Variants in DNAAF6 observed in about 807,000 individuals in gnomAD.
DNAAF6 encodes dynein axonemal assembly factor 6.
A neutral mutation model predicts 13.7 loss-of-function variants in DNAAF6; 3 were observed. The observed-to-expected ratio is 0.22, with a 90% CI of 0.10 to 0.56. DNAAF6 has a LOEUF of 0.56. Ranked by LOEUF, DNAAF6 falls within the 20% of genes least tolerant of loss-of-function variation. DNAAF6 has a pLI of 0.92. For synonymous variants in DNAAF6, 54 were observed against 49.2 expected, an observed-to-expected ratio of 1.10 and a Z score of -0.41; for missense variants, 130 against 151.0, an observed-to-expected ratio of 0.86 and a Z score of 0.73.
At position 107,208,387 on chromosome X, in the gene DNAAF6, C is replaced by T. The variant is rs1267001131; in HGVS notation, c.-4+1697C>T. Reference sequence around the variant, plus strand: ...GGTCGAGGCTGCAGTGAGCCGAGATCGCGCCACTGCACTCCAGCCTGGGCT... The same window carrying T: ...GGTCGAGGCTGCAGTGAGCCGAGATTGCGCCACTGCACTCCAGCCTGGGCT... On this transcript the variant is annotated intron_variant, in intron 1 of 6. Transcript: ENST00000372453. 4.7e-5 allele frequency among the ~76,000 whole-genome samples: 5 copies of T among 106,782 alleles called. No individual in the cohort carries two copies. In the East Asian group the frequency reaches 1.6e-3, roughly 35 times the overall value. 92.7% of individuals were successfully genotyped at this position (106,782 alleles called of 115,157 possible). A position where few individuals can be genotyped will look rare whatever the true frequency, so the allele number is the denominator to read the frequency against.
chrX:107,225,461 A>G (rs1928234530), intron 5 of DNAAF6, among the ~76,000 whole-genome samples: 1 of 111,331 alleles, frequency 9.0e-6, no homozygotes, highest in Non-Finnish European at 1.9e-5. Context: ...TTGATTGTGC[A>G]GTTCGTCTCA....
rs1458919183 is a variant in DNAAF6 at position 107,243,235 on chromosome X, G to A, written c.582G>A (p.Glu194=). ...GTGCCAAAGCATTCTATATCCCAGA[G>A]ACTGAAACTCTTGAAATCACTATGA... ...CTSAKAFYIP[E]TETLEITMTM... is the part of the protein sequence containing the mutation. The change falls in exon 7 of 7, where the codon GAG becomes GAA. Residue 194 remains glutamate, a synonymous_variant. Coordinates refer to ENST00000372453, the MANE Select transcript of DNAAF6 (RefSeq NM_173494.2). The A allele has an allele frequency of 8.3e-7, 1 of 1,208,099 alleles. No individual in the cohort carries two copies. Among genetic ancestry groups the A allele is most frequent in the Admixed American group, 2.2e-5 (1 of 45,414 alleles).
At chrX:107,212,191 C>T (rs1052443663) in intron 1 of DNAAF6, among the ~76,000 whole-genome samples, 1 of 111,144 alleles carries the variant, frequency 9.0e-6, no homozygotes, top group Non-Finnish European at 1.9e-5. Flanking sequence ...TTTTCTGAAT[C>T]CAGTATCCAA....
At chrX:107,236,427 C>G (rs775097407) in intron 5 of DNAAF6, among the ~76,000 whole-genome samples, 21 of 111,686 alleles carry the variant, frequency 1.9e-4, no homozygotes, top group Non-Finnish European at 3.0e-4. Context: ...ATATCCATGT[C>G]TGTATTCCAG....
chrX:107,216,262 CTTTCA>C (rs1927979573), intron 2 of DNAAF6, among the ~76,000 whole-genome samples: 3 of 111,593 alleles, frequency 2.7e-5, no homozygotes, highest in Non-Finnish European at 3.8e-5. Context: ...TTCTATAAAA[CTTTCA>C]CATACTCTGT....
intron 5 of DNAAF6, among the ~76,000 whole-genome samples, chrX:107,237,515 T>G (rs1928541029): frequency 8.9e-6 from 1 of 112,284 alleles, no homozygotes; most frequent in African/African-American, 3.2e-5. Flanking sequence ...TAGTATAAAA[T>G]TTACCATTAG....
chrX:107,241,898 G>A (rs1928631339), intron 6 of DNAAF6, among the ~76,000 whole-genome samples: 1 of 112,007 alleles, frequency 8.9e-6, no homozygotes, highest in Non-Finnish European at 1.9e-5. Context: ...CTGATTTATA[G>A]TTGTCTTTTA....
intron 6 of DNAAF6, among the ~76,000 whole-genome samples, chrX:107,239,477 C>T (rs766873779): frequency 8.9e-6 from 1 of 111,919 alleles, no homozygotes; most frequent in South Asian, 3.7e-4. Context: ...GCTTTGTGCA[C>T]ATCTTATCTG....
chrX:107,234,262 T>A (rs975186009), intron 5 of DNAAF6, among the ~76,000 whole-genome samples: 5 of 112,717 alleles, frequency 4.4e-5, no homozygotes, highest in Admixed American at 9.4e-5. Flanking sequence ...CCTAGTTTTG[T>A]ACAATACATA....
intron 2 of DNAAF6, among the ~76,000 whole-genome samples, chrX:107,214,054 A>C (rs919352480): frequency 1.8e-5 from 2 of 111,744 alleles, no homozygotes; most frequent in African/African-American, 6.5e-5. Context: ...GGAATAGGGC[A>C]GAATAAATAA....
intron 5 of DNAAF6, among the ~76,000 whole-genome samples, chrX:107,238,288 T>C (rs971363974): frequency 2.3e-4 from 26 of 111,337 alleles, no homozygotes; most frequent in African/African-American, 8.5e-4. Flanking sequence ...GAAAACCTGT[T>C]TTCAGTGCTC....
intron 5 of DNAAF6, among the ~76,000 whole-genome samples, chrX:107,228,608 A>G (rs1192241423): frequency 1.8e-5 from 2 of 109,406 alleles, no homozygotes; most frequent in East Asian, 5.7e-4. Flanking sequence ...GGTTGTCACA[A>G]TGATTACAGA....
At chrX:107,225,344 A>G (rs1342777794) in intron 5 of DNAAF6, among the ~76,000 whole-genome samples, 1 of 111,281 alleles carries the variant, frequency 9.0e-6, no homozygotes, top group Admixed American at 9.6e-5. Flanking sequence ...TCTTGATAAT[A>G]TGGTGTTTCC....
In DNAAF6 at chrX:107,234,908, A is replaced by T. The variant is rs768715571; in HGVS notation, c.430-4014A>T. Reference sequence around the variant, plus strand: ...TGAGGAGCTGAGAAGCCTGTTAATCACTTACAAATTATATGACCTTTCAGG... The same window carrying T: ...TGAGGAGCTGAGAAGCCTGTTAATCTCTTACAAATTATATGACCTTTCAGG... On this transcript the variant is annotated intron_variant, in intron 5 of 6. Coordinates refer to ENST00000372453, the MANE Select transcript of DNAAF6 (RefSeq NM_173494.2). 4.5e-5 allele frequency among the ~76,000 whole-genome samples: 5 copies of T among 111,883 alleles called. No homozygotes were observed. The East Asian group carries it at 1.4e-3, about 31-fold the overall frequency.
intron 4 of DNAAF6, among the ~76,000 whole-genome samples, chrX:107,221,281 G>GT (rs113179926): frequency 1.8e-5 from 2 of 109,200 alleles, no homozygotes; most frequent in Non-Finnish European, 3.8e-5. Context: ...AACCAAATTT[G>GT]TTTTTTTTCT....
chrX:107,226,389 G>A (rs1319895104), intron 5 of DNAAF6, among the ~76,000 whole-genome samples: 2 of 111,751 alleles, frequency 1.8e-5, no homozygotes, highest in African/African-American at 6.5e-5. Flanking sequence ...ATATTAGGTT[G>A]GTGCAAAAGT....
chrX:107,236,708 G>T (rs189099246), intron 5 of DNAAF6, among the ~76,000 whole-genome samples: 36 of 112,188 alleles, frequency 3.2e-4, no homozygotes, highest in African/African-American at 1.2e-3. Flanking sequence ...CCCAGAAATT[G>T]TATCTATTTT....
intron 5 of DNAAF6, among the ~76,000 whole-genome samples, chrX:107,229,753 T>C (rs1928342004): frequency 9.0e-6 from 1 of 111,211 alleles, no homozygotes; most frequent in Non-Finnish European, 1.9e-5. Context: ...AGTAGCGCGG[T>C]CTTGGCTCAC....
rs746371487 is a variant in DNAAF6, at chrX:107,229,092, C to T, written c.429+6251C>T. 4.0e-3 allele frequency among the ~76,000 whole-genome samples: 392 copies of T among 98,311 alleles called. 1 individual carries two copies. The highest frequency in any genetic ancestry group is 0.014 in the African/African-American group (371 of 25,708). 85.4% of individuals were successfully genotyped at this position (98,311 alleles called of 115,157 possible). A position where few individuals can be genotyped will look rare whatever the true frequency, so the allele number is the denominator to read the frequency against. On this transcript the variant is annotated intron_variant, in intron 5 of 6. Transcript: ENST00000372453. ...AAGAGGGATTGAAGATATGAGGGTG[C>T]TGCTACTCAGCAGCATTCCACCCTG...
Sources: allele counts gnomAD v4.1 joint callset (sites outside exome capture counted in the v4.1 genomes callset), GRCh38; gene constraint gnomAD v4.1.1; transcripts MANE v1.5; gene names NCBI Gene and HGNC (gene_info 2026-07-23, HGNC 2026-07-21).